Variants in PPP1R37 observed in about 807,000 individuals in gnomAD.
The protein encoded by PPP1R37 is protein phosphatase 1 regulatory subunit 37.
A neutral mutation model predicts 61.0 loss-of-function variants in PPP1R37; 21 were observed. That is an observed-to-expected ratio of 0.34 (90% CI 0.24 to 0.50). The LOEUF (loss-of-function observed/expected upper bound fraction) is 0.50. PPP1R37 is among the 20% of genes least tolerant of loss of function. The pLI is 0.98. For synonymous variants in PPP1R37, 443 were observed against 433.5 expected, an observed-to-expected ratio of 1.02 and a Z score of -0.27; for missense variants, 910 against 952.7, an observed-to-expected ratio of 0.96 and a Z score of 0.59.
chr19:45,136,170 G>A (rs1031633913), intron 1 of PPP1R37: 46 of 152,312 alleles, frequency 3.0e-4, no homozygotes, highest in African/African-American at 1.1e-3. Flanking sequence ...CTTCCTCACT[G>A]AATTGACATG....
chr19:45,116,905 AG>A (rs1305827190), intron 1 of PPP1R37, among the ~76,000 whole-genome samples: 1 of 132,804 alleles, frequency 7.5e-6, no homozygotes, highest in Non-Finnish European at 1.6e-5. Context: ...TTCTCAGAGG[AG>A]GTGACTTTTT....
intron 2 of PPP1R37, among the ~76,000 whole-genome samples, chr19:45,139,311 T>C (rs759799524): frequency 3.3e-5 from 5 of 152,264 alleles, no homozygotes; most frequent in Non-Finnish European, 7.3e-5. Context: ...CCACCTCTTA[T>C]CTCTTGCCCC....
intron 1 of PPP1R37, among the ~76,000 whole-genome samples, chr19:45,109,373 C>T (rs563388355): frequency 6.6e-6 from 1 of 152,104 alleles, no homozygotes; most frequent in Non-Finnish European, 1.5e-5. Flanking sequence ...TCAGAGAGGG[C>T]AGAGGAGGCA....
At chr19:45,119,330 T>A (rs1276685468) in intron 1 of PPP1R37, among the ~76,000 whole-genome samples, 3 of 152,010 alleles carry the variant, frequency 2.0e-5, no homozygotes, top group Non-Finnish European at 2.9e-5. Context: ...AATTTTTGTA[T>A]TTTGTAGAGA....
chr19:45,111,276 TA>T (rs1968196691), intron 1 of PPP1R37, among the ~76,000 whole-genome samples: 1 of 151,236 alleles, frequency 6.6e-6, no homozygotes, highest in African/African-American at 2.4e-5. Flanking sequence ...TTATTATTAT[TA>T]TTATTATTTT....
intron 1 of PPP1R37, among the ~76,000 whole-genome samples, chr19:45,127,102 C>G (rs146989801): frequency 0.011 from 1,618 of 152,302 alleles, 18 homozygotes; most frequent in Middle Eastern, 0.02. Context: ...GTAATCCCAG[C>G]ACTGTGGGAG....
intron 1 of PPP1R37, among the ~76,000 whole-genome samples, chr19:45,118,602 G>A (rs1373163200): frequency 6.6e-6 from 1 of 152,194 alleles, no homozygotes; most frequent in African/African-American, 2.4e-5. Flanking sequence ...AATGACAGCT[G>A]TCAGTGGACT....
intron 1 of PPP1R37, among the ~76,000 whole-genome samples, chr19:45,097,468 G>A (rs1276997268): frequency 1.3e-5 from 2 of 151,946 alleles, no homozygotes; most frequent in African/African-American, 4.8e-5. Flanking sequence ...CTTCAGCAGA[G>A]CCTCACCCCT....
At chr19:45,139,095 T>C (rs1370667339) in intron 2 of PPP1R37, among the ~76,000 whole-genome samples, 1 of 151,768 alleles carries the variant, frequency 6.6e-6, no homozygotes, top group Non-Finnish European at 1.5e-5. Flanking sequence ...TTTTGTATTT[T>C]TAGTAGAGAC....
chr19:45,112,794 A>G (rs562832568), intron 1 of PPP1R37, among the ~76,000 whole-genome samples: 1 of 152,312 alleles, frequency 6.6e-6, no homozygotes, highest in East Asian at 1.9e-4. Context: ...TGTTTCCAGC[A>G]TGACCCTGCC....
chr19:45,093,667 G>A, intron 1 of PPP1R37, 140 bp downstream of exon 1: 1 of 585,452 alleles, frequency 1.7e-6, no homozygotes, highest in Non-Finnish European at 2.8e-6. Context: ...GTTTAGAACC[G>A]TAGTCTGTTA....
At chr19:45,105,135 G>A (rs1968113875) in intron 1 of PPP1R37, among the ~76,000 whole-genome samples, 1 of 152,178 alleles carries the variant, frequency 6.6e-6, no homozygotes. Flanking sequence ...GGAGAAGGAA[G>A]TGGCATGCAA....
intron 1 of PPP1R37, among the ~76,000 whole-genome samples, chr19:45,131,612 G>A (rs1968478424): frequency 6.6e-6 from 1 of 152,256 alleles, no homozygotes; most frequent in African/African-American, 2.4e-5. Flanking sequence ...TAGGAGCTGG[G>A]TGAGGCGGCT....
intron 3 of PPP1R37, 78 bp from the exon 4 acceptor site, chr19:45,140,428 G>GGGGGGGGGT: frequency 7.8e-7 from 1 of 1,274,266 alleles, no homozygotes; most frequent in Non-Finnish European, 1.1e-6. Flanking sequence ...GGGGGTGGGA[G>GGGGGGGGGT]GTTGGGGGCA....
intron 1 of PPP1R37, among the ~76,000 whole-genome samples, chr19:45,105,646 G>A (rs1039502656): frequency 6.6e-6 from 1 of 152,134 alleles, no homozygotes; most frequent in Non-Finnish European, 1.5e-5. Flanking sequence ...CTCACTCTGT[G>A]TTCTGTAATC....
At chr19:45,106,643 C>G (rs900236789) in intron 1 of PPP1R37, among the ~76,000 whole-genome samples, 15 of 151,992 alleles carry the variant, frequency 9.9e-5, no homozygotes, top group African/African-American at 3.4e-4. Context: ...TCAAGTGATC[C>G]TCTTGCCTCA....
Position 45,141,305 on chromosome 19 carries a change from C to G in PPP1R37, c.448-17C>G, listed in dbSNP as rs1034311768. 1.3e-6 allele frequency: 2 copies of G among 1,531,150 alleles called. No homozygotes were observed. The highest frequency in any genetic ancestry group is 1.7e-6 in the Non-Finnish European group (2 of 1,144,392). 94.8% of individuals were successfully genotyped at this position (1,531,150 alleles called of 1,614,324 possible). On this transcript the variant is annotated splice_polypyrimidine_tract_variant and intron_variant, in intron 4 of 12. Transcript: ENST00000221462. ...CAGCCCAGAGCTGAGGCTGAGCCCC[C>G]GAATCTCTATGCGCAGGGTGCCTCG... is the stretch of plus-strand genomic sequence containing the variant.
intron 1 of PPP1R37, among the ~76,000 whole-genome samples, chr19:45,134,209 G>A (rs1447693286): frequency 6.6e-6 from 1 of 151,678 alleles, no homozygotes; most frequent in Non-Finnish European, 1.5e-5. Context: ...TGGCTTTGTT[G>A]GCAAGGCTGG....
At chr19:45,144,546 T>G in intron 8 of PPP1R37, 1 of 395,628 alleles carries the variant, frequency 2.5e-6, no homozygotes, top group Non-Finnish European at 4.5e-6. Context: ...GTTGCCCTCC[T>G]TGGGGGCTTC....
Sources: allele counts gnomAD v4.1 joint callset (sites outside exome capture counted in the v4.1 genomes callset), GRCh38; gene constraint gnomAD v4.1.1; transcripts MANE v1.5; gene names NCBI Gene and HGNC (gene_info 2026-07-23, HGNC 2026-07-21).